Variants in GNG7 observed in about 807,000 individuals in gnomAD.
GNG7 encodes G protein subunit gamma 7, also known as guanine nucleotide-binding protein G(I)/G(S)/G(O) subunit gamma-7.
Under a neutral mutation model 4.0 loss-of-function variants are expected in GNG7, and 1 was observed. That is an observed-to-expected ratio of 0.25 (90% CI 0.09 to 1.18). The LOEUF (loss-of-function observed/expected upper bound fraction) is 1.18, where lower values mean the gene tolerates loss of function less well. Ranked by LOEUF, GNG7 falls within the 50% of genes most tolerant of loss-of-function variation. The pLI, the probability that GNG7 is intolerant of heterozygous loss-of-function variation, is 0.50. For synonymous variants in GNG7, 34 were observed against 36.9 expected, an observed-to-expected ratio of 0.92 and a Z score of 0.29; for missense variants, 86 against 91.9, an observed-to-expected ratio of 0.94 and a Z score of 0.26.
intron 2 of GNG7, among the ~76,000 whole-genome samples, chr19:2,568,819 TAC>T (rs1198867374): frequency 6.0e-5 from 9 of 151,166 alleles, no homozygotes; most frequent in South Asian, 2.1e-4. Context: ...CACACACATA[TAC>T]ACACAAATAT....
At chr19:2,644,491 G>T (rs1982614124) in intron 2 of GNG7, among the ~76,000 whole-genome samples, 1 of 150,928 alleles carries the variant, frequency 6.6e-6, no homozygotes, top group Non-Finnish European at 1.5e-5. Context: ...GCACCAAAAA[G>T]AAGAAAAAAA....
intron 1 of GNG7, among the ~76,000 whole-genome samples, chr19:2,678,357 G>C (rs1375566633): frequency 1.3e-5 from 2 of 152,228 alleles, no homozygotes; most frequent in African/African-American, 4.8e-5. Context: ...AGAATTTTCT[G>C]AAATATAGTA....
intron 3 of GNG7, among the ~76,000 whole-genome samples, chr19:2,530,837 G>A (rs924044455): frequency 2.6e-5 from 4 of 152,204 alleles, no homozygotes; most frequent in Non-Finnish European, 5.9e-5. Context: ...GAGAGCCTGG[G>A]TTTGGGGTCA....
intron 4 of GNG7, among the ~76,000 whole-genome samples, chr19:2,517,424 G>A (rs901966481): frequency 2.6e-5 from 4 of 152,112 alleles, no homozygotes; most frequent in African/African-American, 9.7e-5. Context: ...GAGTGCAGTG[G>A]CGTGATCTCG....
chr19:2,657,356 AAAAAAATATATAT>A (rs1983013359), intron 1 of GNG7, among the ~76,000 whole-genome samples: 1 of 22,682 alleles, frequency 4.4e-5, no homozygotes, highest in African/African-American at 1.2e-4. Flanking sequence ...AAAAAAAAAA[AAAAAAATATATAT>A]ATATATATAT....
At chr19:2,655,838 G>GAAAAAA (rs56041767) in intron 1 of GNG7, among the ~76,000 whole-genome samples, 10 of 54,748 alleles carry the variant, frequency 1.8e-4, no homozygotes, top group Non-Finnish European at 2.3e-4. Flanking sequence ...GGCTCCGTCT[G>GAAAAAA]AAAAAAAAAA....
chr19:2,620,235 G>GGGAGC (rs1981831162), intron 2 of GNG7, among the ~76,000 whole-genome samples: 1 of 107,996 alleles, frequency 9.3e-6, no homozygotes, highest in African/African-American at 3.6e-5. Flanking sequence ...GAGAGGGGAG[G>GGGAGC]GGAGGGGAGG....
intron 3 of GNG7, among the ~76,000 whole-genome samples, chr19:2,521,197 T>G (rs1599370565): frequency 1.4e-5 from 2 of 144,778 alleles, no homozygotes; most frequent in African/African-American, 2.6e-5. Flanking sequence ...ACCCGGGAGG[T>G]GGAGCTTGCA....
intron 1 of GNG7, among the ~76,000 whole-genome samples, chr19:2,696,050 G>A (rs1366769610): frequency 5.3e-5 from 8 of 151,696 alleles, no homozygotes; most frequent in African/African-American, 1.2e-4. Context: ...CCAGCTACTC[G>A]GGAGGCTGAG....
chr19:2,539,884 C>CCTT (rs141298318), intron 3 of GNG7, among the ~76,000 whole-genome samples: 2 of 146,282 alleles, frequency 1.4e-5, no homozygotes, highest in Non-Finnish European at 3.0e-5. Context: ...CTCTCCCTCT[C>CCTT]CTTCCTTCCT....
intron 3 of GNG7, 50 bp from the exon 4 acceptor site, chr19:2,520,775 G>C (rs759515987): frequency 6.1e-6 from 5 of 817,928 alleles, no homozygotes; most frequent in Admixed American, 2.1e-5. Context: ...CAGGCCTCTG[G>C]GTGGCAGCAG....
intron 1 of GNG7, among the ~76,000 whole-genome samples, chr19:2,661,563 C>T (rs2144879794): frequency 6.6e-6 from 1 of 151,446 alleles, no homozygotes; most frequent in South Asian, 2.1e-4. Flanking sequence ...ATCTCAGCTA[C>T]TCGGGAGGCT....
chr19:2,683,897 G>A (rs539851648), intron 1 of GNG7, among the ~76,000 whole-genome samples: 11 of 152,310 alleles, frequency 7.2e-5, no homozygotes, highest in African/African-American at 2.6e-4. Context: ...CTAGGGAGCT[G>A]GTGGACAGCA....
intron 1 of GNG7, among the ~76,000 whole-genome samples, chr19:2,679,688 C>A (rs1322980485): frequency 6.6e-6 from 1 of 152,144 alleles, no homozygotes; most frequent in Non-Finnish European, 1.5e-5. Flanking sequence ...GATTCGCCAC[C>A]TTTCACTTTT....
intron 3 of GNG7, among the ~76,000 whole-genome samples, chr19:2,549,815 C>T (rs1479935068): frequency 2.0e-5 from 3 of 152,170 alleles, no homozygotes; most frequent in African/African-American, 7.2e-5. Context: ...AGCCAGCACA[C>T]TTGTTGTGCA....
At chr19:2,524,421 A>G (rs1978331252) in intron 3 of GNG7, among the ~76,000 whole-genome samples, 1 of 152,224 alleles carries the variant, frequency 6.6e-6, no homozygotes, top group South Asian at 2.1e-4. Context: ...GTCAGTGTGC[A>G]CATGTGTATG....
At chr19:2,544,759 C>T (rs540432670) in intron 3 of GNG7, among the ~76,000 whole-genome samples, 20 of 152,250 alleles carry the variant, frequency 1.3e-4, no homozygotes, top group African/African-American at 4.6e-4. Context: ...ATGCCTGAGA[C>T]ATCTGTGGTT....
At chr19:2,627,231 T>G (rs561443906) in intron 2 of GNG7, among the ~76,000 whole-genome samples, 1 of 150,738 alleles carries the variant, frequency 6.6e-6, no homozygotes, top group South Asian at 2.1e-4. Context: ...TATTTGTGGT[T>G]GTCATGACTG....
At chr19:2,624,817 G>A (rs1487889187) in intron 2 of GNG7, among the ~76,000 whole-genome samples, 1 of 152,228 alleles carries the variant, frequency 6.6e-6, no homozygotes, top group Non-Finnish European at 1.5e-5. Context: ...ACAGGGGCCC[G>A]AGCCCCTCCA....
Sources: gnomAD v4.1 joint callset for allele counts (sites outside exome capture counted in the v4.1 genomes callset) on GRCh38, gnomAD v4.1.1 for gene constraint, MANE v1.5 for transcripts, NCBI Gene and HGNC (gene_info 2026-07-23, HGNC 2026-07-21) for gene names.